Variants in ROBO1 observed in about 807,000 individuals in gnomAD.
ROBO1 encodes roundabout guidance receptor 1, also known as roundabout homolog 1.
ROBO1 carries 149 observed loss-of-function variants against 195.9 expected under a neutral mutation model. That is an observed-to-expected ratio of 0.76 (90% CI 0.67 to 0.87). The LOEUF (loss-of-function observed/expected upper bound fraction) is 0.87. Among genes scored for constraint, ROBO1 ranks in the 40% least tolerant of loss-of-function variants. The pLI is 0.00. For missense variants in ROBO1, 1,933 were observed against 2,068.3 expected, an observed-to-expected ratio of 0.93 and a Z score of 1.27; for synonymous variants, 816 against 733.2, an observed-to-expected ratio of 1.11 and a Z score of -1.82.
intron 2 of ROBO1, among the ~76,000 whole-genome samples, chr3:79,318,815 G>A (rs1169332467): frequency 6.6e-6 from 1 of 151,980 alleles, no homozygotes; most frequent in East Asian, 1.9e-4. Context: ...GATTTTCTTT[G>A]TTTCTGAAGG....
intron 3 of ROBO1, among the ~76,000 whole-genome samples, chr3:78,940,436 C>A (rs947013373): frequency 3.3e-5 from 5 of 152,160 alleles, no homozygotes; most frequent in Non-Finnish European, 7.3e-5. Context: ...TTTAACTAGA[C>A]CTACAAGAGT....
intron 2 of ROBO1, among the ~76,000 whole-genome samples, chr3:79,193,934 C>T (rs2081586698): frequency 1.3e-5 from 2 of 151,526 alleles, no homozygotes; most frequent in African/African-American, 4.8e-5. Flanking sequence ...AATGTGTACA[C>T]CGATGTTAAG....
At chr3:79,090,656 G>C (rs1438350350) in intron 3 of ROBO1, among the ~76,000 whole-genome samples, 3 of 151,988 alleles carry the variant, frequency 2.0e-5, no homozygotes, top group African/African-American at 7.3e-5. Context: ...ATGAGTTTGG[G>C]CCTAACCTCT....
chr3:79,631,202 A>C (rs6548636), intron 1 of ROBO1, among the ~76,000 whole-genome samples: 131,904 of 151,736 alleles, frequency 0.87, 57,385 homozygotes, highest in East Asian at 0.9. Context: ...AAACAAAGAA[A>C]AAAAAGAACA....
Position 78,655,124 on chromosome 3 carries a change from T to A in ROBO1, c.2614+1974A>T, listed in dbSNP as rs543450277. Among the ~76,000 whole-genome samples the A allele has an allele frequency of 1.3e-3, 193 of 152,042 alleles. 1 individual carries two copies. Among genetic ancestry groups the A allele is most frequent in the Non-Finnish European group, 2.3e-3 (155 of 67,984 alleles). On this transcript the variant is annotated intron_variant, in intron 18 of 30. Coordinates refer to ENST00000464233, the MANE Select transcript of ROBO1 (RefSeq NM_002941.4). ...TTCTATATATAATCATTGGTTTTTT[T>A]TAAAAAAAATATTTTCATAGTTTTT...
At chr3:78,865,138 A>G (rs545430158) in intron 4 of ROBO1, among the ~76,000 whole-genome samples, 53 of 152,284 alleles carry the variant, frequency 3.5e-4, no homozygotes, top group Admixed American at 3.1e-3. Flanking sequence ...ATGTCTTCAT[A>G]TTTGACTTAT....
intron 23 of ROBO1, among the ~76,000 whole-genome samples, 168 bp from the exon 24 acceptor site, chr3:78,634,210 TTA>T (rs1705351397): frequency 6.6e-6 from 1 of 151,896 alleles, no homozygotes; most frequent in African/African-American, 2.4e-5. Context: ...ATAAAAAGGC[TTA>T]TACTCCAAAT....
intron 2 of ROBO1, among the ~76,000 whole-genome samples, chr3:79,200,812 A>C (rs1365346636): frequency 6.6e-6 from 1 of 151,996 alleles, no homozygotes; most frequent in Non-Finnish European, 1.5e-5. Flanking sequence ...TAGTTCAAAA[A>C]CATTTTTTTA....
At chr3:79,537,503 G>A (rs530736314) in intron 2 of ROBO1, among the ~76,000 whole-genome samples, 1 of 152,112 alleles carries the variant, frequency 6.6e-6, no homozygotes, top group South Asian at 2.1e-4. Flanking sequence ...CAGCTCTGTC[G>A]GGACTAATTC....
chr3:79,035,670 G>T (rs2078369319), intron 3 of ROBO1, among the ~76,000 whole-genome samples: 1 of 151,816 alleles, frequency 6.6e-6, no homozygotes, highest in Non-Finnish European at 1.5e-5. Context: ...GATTGAGGCT[G>T]CAGTGAGCCA....
At chr3:79,298,610 TG>T in intron 2 of ROBO1, among the ~76,000 whole-genome samples, 1 of 152,274 alleles carries the variant, frequency 6.6e-6, no homozygotes, top group Non-Finnish European at 1.5e-5. Context: ...CAGATTATCC[TG>T]AAACTTCTTT....
rs375440726 is a variant in ROBO1 at position 79,001,400 on chromosome 3, C to G, written c.173-62473G>C. Among the ~76,000 whole-genome samples the G allele has an allele frequency of 3.0e-4, 46 of 152,076 alleles. 1 individual carries two copies. Among genetic ancestry groups the G allele is most frequent in the African/African-American group, 1.1e-3 (45 of 41,418 alleles). ...ACCACCTCCCACCAGATCCCTCCCA[C>G]GACACATGGGGATTATGGGAACTAC... On this transcript the variant is annotated intron_variant, in intron 3 of 30. Transcript: ENST00000464233.
At position 79,045,282 on chromosome 3, in the gene ROBO1, T is replaced by A. The variant is rs574850712; in HGVS notation, c.172+80174A>T. On this transcript the variant is annotated intron_variant, in intron 3 of 30. Transcript: ENST00000464233. The stretch of plus-strand genomic sequence containing the variant: ...ATTTTCATGATAATAATGATAAAAA[T>A]GCGAATGTATTTTTAGCACGAACAC... 1.4e-4 allele frequency among the ~76,000 whole-genome samples: 22 copies of A among 152,118 alleles called. 1 individual carries two copies. In the East Asian group the frequency reaches 2.5e-3, roughly 17 times the overall value.
At chr3:79,748,678 G>C (rs943641142) in intron 1 of ROBO1, among the ~76,000 whole-genome samples, 1 of 152,008 alleles carries the variant, frequency 6.6e-6, no homozygotes, top group African/African-American at 2.4e-5. Context: ...ATGGGGATGG[G>C]TCTTTTTTGT....
At chr3:79,603,684 T>C (rs775884128) in intron 1 of ROBO1, among the ~76,000 whole-genome samples, 1 of 151,980 alleles carries the variant, frequency 6.6e-6, no homozygotes, top group Non-Finnish European at 1.5e-5. Context: ...TTTGAGTAAA[T>C]ACATCATTTG....
At chr3:79,588,287 A>AT (rs973673062) in intron 2 of ROBO1, among the ~76,000 whole-genome samples, 1 of 151,668 alleles carries the variant, frequency 6.6e-6, no homozygotes, top group African/African-American at 2.4e-5. Flanking sequence ...AAAAGGTAAC[A>AT]TTTTTTATTC....
chr3:79,733,092 G>A (rs1461395122), intron 1 of ROBO1, among the ~76,000 whole-genome samples: 1 of 152,124 alleles, frequency 6.6e-6, no homozygotes, highest in Non-Finnish European at 1.5e-5. Context: ...AGATACCCGA[G>A]TGTCATTCTC....
chr3:78,916,319 G>T (rs1321308265), intron 4 of ROBO1, among the ~76,000 whole-genome samples: 1 of 149,982 alleles, frequency 6.7e-6, no homozygotes, highest in East Asian at 2.0e-4. Context: ...TTGGGAAGCC[G>T]AGGTGGGCGA....
At chr3:78,841,779 T>A (rs2106746687) in intron 4 of ROBO1, among the ~76,000 whole-genome samples, 1 of 152,158 alleles carries the variant, frequency 6.6e-6, no homozygotes, top group East Asian at 1.9e-4. Context: ...TACCAATCAA[T>A]AAGAAAAAGA....
Sources: allele counts gnomAD v4.1 joint callset (sites outside exome capture counted in the v4.1 genomes callset), GRCh38; gene constraint gnomAD v4.1.1; transcripts MANE v1.5; gene names NCBI Gene and HGNC (gene_info 2026-07-23, HGNC 2026-07-21).